The following CNTNAP2 variants were observed in gnomAD, a reference collection of about 807,000 sequenced individuals.
CNTNAP2 encodes contactin-associated protein-like 2.
Under a neutral mutation model 155.2 loss-of-function variants are expected in CNTNAP2, and 98 were observed. That is an observed-to-expected ratio of 0.63 (90% confidence interval 0.54 to 0.75). CNTNAP2 has a LOEUF of 0.75. Among genes scored for constraint, CNTNAP2 ranks in the 30% least tolerant of loss-of-function variants. The probability of loss-of-function intolerance (pLI) is 0.00; values close to 1 mark genes in which losing one functional copy is unlikely to be tolerated. For missense variants in CNTNAP2, 1,727 were observed against 1,688.1 expected, an observed-to-expected ratio of 1.02 and a Z score of -0.40; for synonymous variants, 651 against 631.2, an observed-to-expected ratio of 1.03 and a Z score of -0.47.
chr7:146,264,445 C>T (rs1339907009), intron 1 of CNTNAP2, among the ~76,000 whole-genome samples: 2 of 150,344 alleles, frequency 1.3e-5, no homozygotes, highest in African/African-American at 4.9e-5. Context: ...AGTGAGACTC[C>T]ATCTGAAAAA....
At chr7:148,259,678 C>T (rs928768324) in intron 20 of CNTNAP2, among the ~76,000 whole-genome samples, 3 of 152,160 alleles carry the variant, frequency 2.0e-5, no homozygotes, top group Admixed American at 6.5e-5. Flanking sequence ...CACTGCATCC[C>T]CAAAGCGTAA....
At chr7:147,772,488 ACAC>A (rs1797490277) in intron 13 of CNTNAP2, among the ~76,000 whole-genome samples, 5 of 129,516 alleles carry the variant, frequency 3.9e-5, no homozygotes, top group South Asian at 2.3e-4. Context: ...ATATATACAC[ACAC>A]AAAAAAAAAA....
chr7:146,642,598 G>T (rs1799731419), intron 1 of CNTNAP2, among the ~76,000 whole-genome samples: 1 of 151,344 alleles, frequency 6.6e-6, no homozygotes, highest in Non-Finnish European at 1.5e-5. Context: ...TTGCTATTGT[G>T]AATAGTGCCG....
chr7:146,825,274 T>C (rs1186096480), intron 2 of CNTNAP2, among the ~76,000 whole-genome samples: 1 of 152,096 alleles, frequency 6.6e-6, no homozygotes, highest in Non-Finnish European at 1.5e-5. Context: ...TTACAGTAGT[T>C]AGTCATTGAA....
intron 16 of CNTNAP2, among the ~76,000 whole-genome samples, chr7:148,119,828 C>T (rs963219205): frequency 2.0e-5 from 3 of 151,898 alleles, no homozygotes; most frequent in Non-Finnish European, 4.4e-5. Context: ...TTGTAATTAT[C>T]ATCTTCTGAG....
intron 4 of CNTNAP2, among the ~76,000 whole-genome samples, chr7:147,107,434 A>T (rs964593224): frequency 6.6e-6 from 1 of 152,148 alleles, no homozygotes; most frequent in Admixed American, 6.6e-5. Flanking sequence ...TACGCTGGAT[A>T]TTTGTTCTTT....
At chr7:146,428,656 G>A (rs1639435) in intron 1 of CNTNAP2, among the ~76,000 whole-genome samples, 5,392 of 150,616 alleles carry the variant, frequency 0.036, 339 homozygotes, top group African/African-American at 0.12. Context: ...TTAGACCTTT[G>A]TCAGATGGAT....
chr7:147,554,414 T>C (rs1799910591), intron 11 of CNTNAP2, among the ~76,000 whole-genome samples: 1 of 151,772 alleles, frequency 6.6e-6, no homozygotes, highest in South Asian at 2.1e-4. Flanking sequence ...AGCCAATTTA[T>C]AGAGGGATTT....
At chr7:146,649,478 A>G (rs1799869188) in intron 1 of CNTNAP2, among the ~76,000 whole-genome samples, 1 of 152,172 alleles carries the variant, frequency 6.6e-6, no homozygotes, top group Non-Finnish European at 1.5e-5. Context: ...ATTATTTCAA[A>G]CTTCAGTGAA....
intron 18 of CNTNAP2, among the ~76,000 whole-genome samples, chr7:148,193,910 C>T (rs1795235754): frequency 6.6e-6 from 1 of 151,522 alleles, no homozygotes; most frequent in Admixed American, 6.6e-5. Flanking sequence ...GAGAATCCTT[C>T]CCGTTTCCTT....
intron 8 of CNTNAP2, among the ~76,000 whole-genome samples, chr7:147,184,454 A>C (rs1168173971): frequency 6.6e-6 from 1 of 152,202 alleles, no homozygotes; most frequent in Non-Finnish European, 1.5e-5. Flanking sequence ...ACTCTTGTAT[A>C]CTTATATACT....
At chr7:146,687,782 A>AG (rs1800627828) in intron 1 of CNTNAP2, among the ~76,000 whole-genome samples, 1 of 152,198 alleles carries the variant, frequency 6.6e-6, no homozygotes, top group Non-Finnish European at 1.5e-5. Flanking sequence ...AGAGAGACAG[A>AG]GATATAAATG....
intron 13 of CNTNAP2, among the ~76,000 whole-genome samples, chr7:147,879,616 TG>T (rs1376532964): frequency 6.6e-6 from 1 of 152,162 alleles, no homozygotes; most frequent in African/African-American, 2.4e-5. Context: ...GAAAGGGCAC[TG>T]TAATCAAAAG....
rs776620656 is a variant in CNTNAP2 at position 147,108,250 on chromosome 7, G to T, written c.654G>T (p.Thr218=). 1.2e-6 allele frequency: 2 copies of T among 1,613,650 alleles called. No homozygotes were observed. The highest frequency in any genetic ancestry group is 8.5e-7 in the Non-Finnish European group (1 of 1,179,762). ...LKDVIALNFK[T]SESEGVILHG... ...ATGTCATTGCCTTGAACTTTAAGAC[G>T]TCTGAAAGTGAAGGAGTAATCCTGC... The change falls in exon 5 of 24, where the codon ACG becomes ACT. Residue 218 remains threonine (T), a synonymous_variant. Transcript: ENST00000361727.
chr7:146,415,704 A>T (rs370619451), intron 1 of CNTNAP2, among the ~76,000 whole-genome samples: 47 of 152,070 alleles, frequency 3.1e-4, no homozygotes, highest in East Asian at 1.5e-3. Flanking sequence ...AAAAAAATTT[A>T]AAAAAAATTT....
intron 1 of CNTNAP2, among the ~76,000 whole-genome samples, chr7:146,183,495 T>A (rs1002169677): frequency 2.6e-5 from 4 of 151,802 alleles, no homozygotes; most frequent in Non-Finnish European, 5.9e-5. Flanking sequence ...ACTGGTACCC[T>A]CAGTAAAAGG....
intron 2 of CNTNAP2, among the ~76,000 whole-genome samples, chr7:146,814,050 C>T (rs1803118745): frequency 6.6e-6 from 1 of 152,184 alleles, no homozygotes; most frequent in African/African-American, 2.4e-5. Context: ...AATTAAACCT[C>T]TTTCTTTTAT....
At position 146,358,647 on chromosome 7, in the gene CNTNAP2, A is replaced by G. The variant is rs148436018; in HGVS notation, c.97+241674A>G. ...AATAACAGCAAGCTAAAGATTGTTG[A>G]TTAGAATTCATTATTCTAGAGAGTG... is the stretch of plus-strand genomic sequence containing the variant. On this transcript the variant is annotated intron_variant, in intron 1 of 23. Transcript: ENST00000361727. Among the ~76,000 whole-genome samples the G allele has an allele frequency of 3.9e-4, 59 of 152,334 alleles. 1 individual carries two copies. The highest frequency in any genetic ancestry group is 3.5e-3 in the South Asian group (17 of 4,832).
chr7:147,980,900 C>T (rs564508345), intron 15 of CNTNAP2, among the ~76,000 whole-genome samples: 8 of 142,382 alleles, frequency 5.6e-5, no homozygotes, highest in Admixed American at 1.4e-4. Context: ...CACTGCACTC[C>T]GGCCTGGGTG....
Sources: allele counts gnomAD v4.1 joint callset (sites outside exome capture counted in the v4.1 genomes callset), GRCh38; gene constraint gnomAD v4.1.1; transcripts MANE v1.5; gene names NCBI Gene and HGNC (gene_info 2026-07-23, HGNC 2026-07-21).